Variants in PLD1 observed in about 807,000 individuals in gnomAD.
PLD1 encodes phospholipase D1.
Under a neutral mutation model 137.1 loss-of-function variants are expected in PLD1, and 112 were observed. The ratio of observed to expected loss-of-function variants is 0.82; its 90% CI spans 0.70 to 0.96. PLD1 has a LOEUF of 0.96. PLD1 is among the 40% of genes least tolerant of loss of function. The pLI is 0.00. For synonymous variants in PLD1, 431 were observed against 454.7 expected (o/e 0.95, Z 0.66); for missense variants, 1,321 against 1,342.0 (o/e 0.98, Z 0.24).
chr3:171,709,948 C>CT (rs1717014165), intron 9 of PLD1, among the ~76,000 whole-genome samples: 1 of 152,158 alleles, frequency 6.6e-6, no homozygotes, highest in African/African-American at 2.4e-5. Flanking sequence ...TACCATAGAC[C>CT]TAGAGCTGTG....
chr3:171,709,236 C>T (rs1716951240), intron 10 of PLD1, among the ~76,000 whole-genome samples: 1 of 152,198 alleles, frequency 6.6e-6, no homozygotes, highest in Non-Finnish European at 1.5e-5. Flanking sequence ...AAATATCTAG[C>T]AAGTAAATGC....
At position 171,798,519 on chromosome 3, in the gene PLD1, C is replaced by T. The variant is rs534909651; in HGVS notation, c.-32+11880G>A. On this transcript the variant is annotated intron_variant, in intron 1 of 26. Transcript: ENST00000351298. ...ATAAATTCTAGGTGAAATCAGGTGA[C>T]AGTGTCAATAATGGTCACTAGCATG... is the stretch of plus-strand genomic sequence containing the variant. Among the ~76,000 whole-genome samples, 3 of 152,270 alleles carry T rather than the reference C, an allele frequency of 2.0e-5. 1 individual carries two copies. Among genetic ancestry groups the T allele is most frequent in the African/African-American group, 7.2e-5 (3 of 41,552 alleles).
chr3:171,681,272 T>C (rs1247025014), intron 16 of PLD1, among the ~76,000 whole-genome samples: 1 of 152,228 alleles, frequency 6.6e-6, no homozygotes, highest in South Asian at 2.1e-4. Flanking sequence ...ATTCCAGGTA[T>C]TTCCTGGATC....
At chr3:171,746,423 A>C (rs1720184764) in intron 1 of PLD1, among the ~76,000 whole-genome samples, 1 of 152,194 alleles carries the variant, frequency 6.6e-6, no homozygotes, top group Non-Finnish European at 1.5e-5. Flanking sequence ...GTCTAGCTAA[A>C]GGTTTGTAAA....
intron 12 of PLD1, among the ~76,000 whole-genome samples, chr3:171,697,914 A>C (rs1715899200): frequency 6.6e-6 from 1 of 152,250 alleles, no homozygotes; most frequent in African/African-American, 2.4e-5. Context: ...TCATATGATT[A>C]GCCAAATGCC....
rs111599476 is a variant in PLD1 at position 171,674,599 on chromosome 3, T to C, written c.2130A>G (p.Lys710=). ...GAAAAGGATAAGAAAGGGACCGATA[T>C]TTTGATTTCATAATCTAAAATAAAG... ...RWNFTKIMKS[K]YRSLSYPFLL... is the part of the protein sequence containing the mutation. The change falls in exon 19 of 27, where the codon AAA becomes AAG. Residue 710 remains lysine, a synonymous_variant. Transcript: ENST00000351298. 16 of 1,565,806 alleles carry C rather than the reference T, an allele frequency of 1.0e-5. No homozygotes were observed. The African/African-American group carries it at 1.2e-4, about 12-fold the overall frequency.
chr3:171,615,921 G>C (rs1733069142), intron 24 of PLD1, among the ~76,000 whole-genome samples: 1 of 152,168 alleles, frequency 6.6e-6, no homozygotes, highest in African/African-American at 2.4e-5. Flanking sequence ...ACTTTACTAG[G>C]TAACACCAGA....
intron 19 of PLD1, among the ~76,000 whole-genome samples, chr3:171,665,708 A>G (rs971635055): frequency 6.6e-6 from 1 of 151,900 alleles, no homozygotes; most frequent in Admixed American, 6.6e-5. Flanking sequence ...CTCAAAAGAA[A>G]AAAAAAAAAG....
At chr3:171,747,475 T>A (rs1337392984) in intron 1 of PLD1, among the ~76,000 whole-genome samples, 1 of 151,790 alleles carries the variant, frequency 6.6e-6, no homozygotes, top group Non-Finnish European at 1.5e-5. Context: ...CCTCTCTTTT[T>A]TTTTTTTTTC....
chr3:171,660,765 C>T (rs1338068699), intron 20 of PLD1, among the ~76,000 whole-genome samples: 2 of 151,924 alleles, frequency 1.3e-5, no homozygotes, highest in Non-Finnish European at 2.9e-5. Flanking sequence ...GCCACCATGC[C>T]CGGCTAATTT....
At chr3:171,604,918 A>G (rs534726455) in intron 26 of PLD1, among the ~76,000 whole-genome samples, 1 of 152,352 alleles carries the variant, frequency 6.6e-6, no homozygotes, top group South Asian at 2.1e-4. Context: ...ACTATACACA[A>G]GGTTATAACA....
chr3:171,613,557 C>T (rs1732858268), intron 24 of PLD1, among the ~76,000 whole-genome samples: 1 of 152,172 alleles, frequency 6.6e-6, no homozygotes, highest in South Asian at 2.1e-4. Context: ...TCATTTGTGG[C>T]TTTGGGCTTT....
At chr3:171,779,681 T>A in intron 1 of PLD1, among the ~76,000 whole-genome samples, 1 of 149,646 alleles carries the variant, frequency 6.7e-6, no homozygotes, top group Middle Eastern at 3.7e-3. Flanking sequence ...GATTCAGGCC[T>A]GGGGTTTGGA....
rs757062666 is a variant in PLD1 at position 171,688,682 on chromosome 3, G to C, written c.1533C>G (p.Ser511=). 36 of 1,611,324 alleles carry C rather than the reference G, an allele frequency of 2.2e-5. No homozygotes were observed. In the African/African-American group the frequency reaches 4.4e-4, roughly 20 times the overall value. The part of the protein sequence containing the change: ...KRVTSGPSLG[S]LPPAAMESME... ...AAAGGTTAAATATACTTACTGGGAG[G>C]GAACCCAGAGACGGTCCTGAAGTGA... Residue 511 remains serine (S), a synonymous_variant, in exon 14 of 27, where the codon TCC becomes TCG. Transcript: ENST00000351298.
intron 21 of PLD1, among the ~76,000 whole-genome samples, chr3:171,649,538 T>C (rs1411944417): frequency 6.6e-6 from 1 of 152,212 alleles, no homozygotes; most frequent in African/African-American, 2.4e-5. Flanking sequence ...TCGGAAATAC[T>C]GAATCCTCAC....
intron 1 of PLD1, among the ~76,000 whole-genome samples, chr3:171,778,587 G>T (rs1368006487): frequency 6.6e-6 from 1 of 152,126 alleles, no homozygotes; most frequent in East Asian, 1.9e-4. Context: ...GAGGTGACAG[G>T]CTCTGTAATC....
At position 171,699,763 on chromosome 3, in the gene PLD1, G is replaced by A. The variant is rs772061912; in HGVS notation, c.1209C>T (p.Cys403=). 5 of 1,612,772 alleles carry A rather than the reference G, an allele frequency of 3.1e-6. No homozygotes were observed. The East Asian group carries it at 1.1e-4, about 36-fold the overall frequency. Residue 403 remains cysteine (C), a synonymous_variant, in exon 12 of 27, where the codon TGC becomes TGT. Transcript: ENST00000351298. ...TACATACTGCTTTTCGTTTAAGAAT[G>A]CAGTCCAACCTCCAACGATTTCCCT... is the stretch of plus-strand genomic sequence containing the variant. The part of the protein sequence containing the change: ...VVEGNRWRLD[C]ILKRKAQQGV...
At chr3:171,732,582 G>C (rs1719028822) in intron 6 of PLD1, among the ~76,000 whole-genome samples, 1 of 152,168 alleles carries the variant, frequency 6.6e-6, no homozygotes, top group Non-Finnish European at 1.5e-5. Context: ...AGTCTTTACT[G>C]TTTCAGTTTA....
intron 1 of PLD1, among the ~76,000 whole-genome samples, chr3:171,808,312 G>T (rs111626395): frequency 6.6e-6 from 1 of 152,020 alleles, no homozygotes; most frequent in African/African-American, 2.4e-5. Flanking sequence ...CGAGGCGGGC[G>T]GATCACGAGG....
Sources: gnomAD v4.1 joint callset for allele counts (sites outside exome capture counted in the v4.1 genomes callset) on GRCh38, gnomAD v4.1.1 for gene constraint, MANE v1.5 for transcripts, NCBI Gene and HGNC (gene_info 2026-07-23, HGNC 2026-07-21) for gene names.